Variants in MAP2 observed in about 807,000 individuals in gnomAD.
The protein encoded by MAP2 is microtubule associated protein 2.
In MAP2, 14 loss-of-function variants were observed where a neutral mutation model predicts 137.6. That is an observed-to-expected ratio of 0.10 (90% CI 0.07 to 0.16). The LOEUF is 0.16. Among genes scored for constraint, MAP2 ranks in the 10% least tolerant of loss-of-function variants. The pLI is 1.00. For synonymous variants in MAP2, 786 were observed against 782.3 expected, an observed-to-expected ratio of 1.00 and a Z score of -0.08; for missense variants, 2,088 against 2,191.5, an observed-to-expected ratio of 0.95 and a Z score of 0.94.
At chr2:209,428,521 G>T (rs1160012671) in intron 1 of MAP2, among the ~76,000 whole-genome samples, 4 of 148,206 alleles carry the variant, frequency 2.7e-5, no homozygotes, top group African/African-American at 1.0e-4. Context: ...TACTTAGATT[G>T]CTCCTTTCTT....
chr2:209,493,875 C>T (rs569428454), intron 1 of MAP2, among the ~76,000 whole-genome samples: 76 of 152,214 alleles, frequency 5.0e-4, no homozygotes, highest in African/African-American at 1.6e-3. Context: ...GACAGTATGG[C>T]GATTCCTCAA....
intron 1 of MAP2, among the ~76,000 whole-genome samples, chr2:209,486,299 C>T (rs908405431): frequency 3.3e-5 from 5 of 152,002 alleles, no homozygotes; most frequent in African/African-American, 1.2e-4. Flanking sequence ...GCGATCTCAC[C>T]TCACTGCAAC....
intron 7 of MAP2, among the ~76,000 whole-genome samples, chr2:209,685,778 C>G (rs2056796796): frequency 6.6e-6 from 1 of 152,102 alleles, no homozygotes; most frequent in Non-Finnish European, 1.5e-5. Flanking sequence ...AAGCAAGGCT[C>G]TGGACTGTTT....
intron 2 of MAP2, among the ~76,000 whole-genome samples, chr2:209,575,150 A>G (rs2075098028): frequency 6.6e-6 from 1 of 152,212 alleles, no homozygotes; most frequent in South Asian, 2.1e-4. Context: ...GAATTCAAAG[A>G]GAGTAGGAGA....
chr2:209,497,798 C>G (rs752887902), intron 1 of MAP2, among the ~76,000 whole-genome samples: 16 of 152,142 alleles, frequency 1.1e-4, no homozygotes, highest in Non-Finnish European at 1.9e-4. Context: ...CAAAACAGCA[C>G]CAAGCCATAA....
At chr2:209,617,221 A>T (rs999217917) in intron 3 of MAP2, among the ~76,000 whole-genome samples, 1 of 152,132 alleles carries the variant, frequency 6.6e-6, no homozygotes, top group Non-Finnish European at 1.5e-5. Flanking sequence ...AGACAAAAGG[A>T]CAGGAGAAGA....
chr2:209,569,750 A>C (rs1032895924), intron 2 of MAP2, among the ~76,000 whole-genome samples: 1 of 151,866 alleles, frequency 6.6e-6, no homozygotes, highest in Non-Finnish European at 1.5e-5. Flanking sequence ...GTGTTTTCTC[A>C]TGTAACGTTT....
chr2:209,561,979 A>G (rs576215684), intron 2 of MAP2, among the ~76,000 whole-genome samples: 1 of 152,174 alleles, frequency 6.6e-6, no homozygotes, highest in Non-Finnish European at 1.5e-5. Context: ...ACCATTATAT[A>G]AACAAGGAAA....
intron 3 of MAP2, among the ~76,000 whole-genome samples, chr2:209,599,284 T>G (rs2082298850): frequency 6.6e-6 from 1 of 152,074 alleles, no homozygotes; most frequent in Non-Finnish European, 1.5e-5. Flanking sequence ...CGCCCACTTT[T>G]TGATGGGGTT....
chr2:209,733,647 T>C lies in MAP2; in HGVS notation c.*3250T>C, dbSNP rs1179872184. 6.6e-6 allele frequency: 1 copy of C among 152,196 alleles called. No homozygotes were observed. Among genetic ancestry groups the C allele is most frequent in the Non-Finnish European group, 1.5e-5 (1 of 68,028 alleles). 9.4% of individuals were successfully genotyped at this position (152,196 alleles called of 1,614,324 possible). A position where few individuals can be genotyped will look rare whatever the true frequency, so the allele number is the denominator to read the frequency against. ...AGCCACAATAAGGAAAATAAACTAC[T>C]CATGGTCTAAATACTAGAGATAAAG... On this transcript the variant is annotated 3_prime_UTR_variant, in exon 16 of 16. Transcript: ENST00000682079.
Position 209,730,205 on chromosome 2 carries a change from C to T in MAP2, c.5292C>T (p.Phe1764=), listed in dbSNP as rs2153819935. The T allele has an allele frequency of 6.2e-7, 1 of 1,613,972 alleles. No homozygotes were observed. ...NVKIDSQKLN[F]REHAKARVDH... ...AGATTGACAGCCAAAAGTTGAACTT[C>T]AGAGAGCATGCTAAAGCCCGTGTGG... Residue 1764 remains phenylalanine (F), a synonymous_variant, in exon 16 of 16, where the codon TTC becomes TTT. Coordinates refer to ENST00000682079, the MANE Select transcript of MAP2 (RefSeq NM_001375505.1).
At chr2:209,631,017 AAAAAAAAAAAAAAAAAAAG>A (rs1224299055) in intron 4 of MAP2, among the ~76,000 whole-genome samples, 16 of 135,626 alleles carry the variant, frequency 1.2e-4, no homozygotes, top group African/African-American at 4.4e-4. Flanking sequence ...AAAAAAAAAA[AAAAAAAAAAAAAAAAAAAG>A]AGAGAGAGAG....
chr2:209,680,814 C>T lies in MAP2; in HGVS notation c.441C>T (p.Val147=), dbSNP rs527954562. Reference sequence around the variant, plus strand: ...CATCACCTGCCTCAGAACAGACTGTCACAGTGGAGGAAGGTAAGGCCTATT... The same window carrying T: ...CATCACCTGCCTCAGAACAGACTGTTACAGTGGAGGAAGGTAAGGCCTATT... The part of the protein sequence containing the change: ...PPPSPASEQT[V]TVEEDLLTAS... The change falls in exon 7 of 16, where the codon GTC becomes GTT. Residue 147 remains valine, a synonymous_variant. Transcript: ENST00000682079. 7.4e-6 allele frequency: 12 copies of T among 1,613,400 alleles called. No homozygotes were observed. The highest frequency in any genetic ancestry group is 1.0e-5 in the Non-Finnish European group (12 of 1,179,558).
intron 3 of MAP2, among the ~76,000 whole-genome samples, chr2:209,599,951 A>T (rs1283747982): frequency 6.6e-6 from 1 of 152,220 alleles, no homozygotes; most frequent in Non-Finnish European, 1.5e-5. Context: ...AGTAGTAATT[A>T]CTATGATCTT....
At position 209,671,601 on chromosome 2, in the gene MAP2, G is replaced by A. The variant is rs1346212110; in HGVS notation, c.263-6971G>A. ...GTTTTGTTTTCCTTCTTCCACAAGC[G>A]TACGGTAAGCTTATTTGTCGTTTTC... On this transcript the variant is annotated intron_variant, in intron 5 of 15. Coordinates refer to ENST00000682079, the MANE Select transcript of MAP2 (RefSeq NM_001375505.1). 3.3e-5 allele frequency among the ~76,000 whole-genome samples: 5 copies of A among 151,754 alleles called. No homozygotes were observed. The East Asian group carries it at 5.8e-4, about 18-fold the overall frequency.
At position 209,732,352 on chromosome 2, in the gene MAP2, C is replaced by T. The variant is rs2075882645; in HGVS notation, c.*1955C>T. The T allele has an allele frequency of 1.3e-5, 2 of 152,236 alleles. No individual in the cohort carries two copies. Among genetic ancestry groups the T allele is most frequent in the African/African-American group, 4.8e-5 (2 of 41,454 alleles). 9.4% of individuals were successfully genotyped at this position (152,236 alleles called of 1,614,324 possible). ...ACCCTAGGAGCAAACCCACACCACTCATTCTCAGCTAAGAGATTTTACACA... is the reference window on the plus strand; with the variant it reads ...ACCCTAGGAGCAAACCCACACCACTTATTCTCAGCTAAGAGATTTTACACA... On this transcript the variant is annotated 3_prime_UTR_variant, in exon 16 of 16. Coordinates refer to ENST00000682079, the MANE Select transcript of MAP2 (RefSeq NM_001375505.1).
rs567385134 is a variant in MAP2, at chr2:209,695,005, A to G, written c.2835A>G (p.Gly945=). 6 of 1,614,182 alleles carry G rather than the reference A, an allele frequency of 3.7e-6. No homozygotes were observed. Among genetic ancestry groups the G allele is most frequent in the Admixed American group, 1.7e-5 (1 of 60,020 alleles). Residue 945 remains glycine (G), a synonymous_variant, in exon 8 of 16, where the codon GGA becomes GGG. Coordinates refer to ENST00000682079, the MANE Select transcript of MAP2 (RefSeq NM_001375505.1). ...CGCATATCTCTGGTGACAAATCAGG[A>G]CTGAGTAAGGAGTTTGACCAAGAGA... ...ASAHISGDKS[G]LSKEFDQEKK... is the part of the protein sequence containing the mutation.
intron 2 of MAP2, among the ~76,000 whole-genome samples, chr2:209,532,677 A>G (rs1431314829): frequency 5.9e-5 from 9 of 152,138 alleles, no homozygotes; most frequent in Admixed American, 5.9e-4. Flanking sequence ...GTGTTGTCCC[A>G]CTAAGTCTCT....
intron 2 of MAP2, among the ~76,000 whole-genome samples, chr2:209,550,272 C>T (rs1185332817): frequency 6.6e-6 from 1 of 152,052 alleles, no homozygotes; most frequent in Non-Finnish European, 1.5e-5. Flanking sequence ...CGGTTCACAA[C>T]ATATATCTTA....
Sources: gnomAD v4.1 joint callset for allele counts (sites outside exome capture counted in the v4.1 genomes callset) on GRCh38, gnomAD v4.1.1 for gene constraint, MANE v1.5 for transcripts, NCBI Gene and HGNC (gene_info 2026-07-23, HGNC 2026-07-21) for gene names.